Variants in ZNF704 observed in about 807,000 individuals in gnomAD.
ZNF704 encodes zinc finger protein 704.
A neutral mutation model predicts 44.7 loss-of-function variants in ZNF704; 10 were observed. That is an observed-to-expected ratio of 0.22 (90% CI 0.14 to 0.38). ZNF704 has a LOEUF of 0.38. ZNF704 is among the 10% of genes least tolerant of loss of function. The pLI, the probability that ZNF704 is intolerant of heterozygous loss-of-function variation, is 1.00. For missense variants in ZNF704, 390 were observed against 545.5 expected, an observed-to-expected ratio of 0.71 and a Z score of 2.84; for synonymous variants, 211 against 207.6, an observed-to-expected ratio of 1.02 and a Z score of -0.14.
intron 2 of ZNF704, among the ~76,000 whole-genome samples, chr8:80,772,953 TTCA>T (rs1807344862): frequency 6.6e-6 from 1 of 152,224 alleles, no homozygotes; most frequent in Non-Finnish European, 1.5e-5. Context: ...CATTTTCATT[TTCA>T]TTTAGTATAA....
At chr8:80,700,882 C>T (rs1818799404) in intron 2 of ZNF704, among the ~76,000 whole-genome samples, 1 of 152,170 alleles carries the variant, frequency 6.6e-6, no homozygotes, top group Admixed American at 6.5e-5. Flanking sequence ...CTCCCCCCTC[C>T]CCTTTTCTGT....
At chr8:80,777,311 A>G (rs897683874) in intron 2 of ZNF704, among the ~76,000 whole-genome samples, 6 of 152,186 alleles carry the variant, frequency 3.9e-5, no homozygotes, top group Non-Finnish European at 7.3e-5. Context: ...TATAAAGTTA[A>G]TATCTGCTTG....
chr8:80,674,314 T>A (rs948221305), intron 4 of ZNF704, among the ~76,000 whole-genome samples: 1 of 152,206 alleles, frequency 6.6e-6, no homozygotes, highest in Non-Finnish European at 1.5e-5. Flanking sequence ...AGCATATAAC[T>A]TAACAATACT....
At chr8:80,687,803 C>T (rs748309792) in intron 3 of ZNF704, among the ~76,000 whole-genome samples, 8 of 152,076 alleles carry the variant, frequency 5.3e-5, no homozygotes, top group South Asian at 2.1e-4. Context: ...CTGGGTTTAT[C>T]GACTACAGTA....
intron 2 of ZNF704, among the ~76,000 whole-genome samples, chr8:80,811,470 G>C (rs1014153907): frequency 6.6e-6 from 1 of 152,074 alleles, no homozygotes; most frequent in Non-Finnish European, 1.5e-5. Flanking sequence ...ACCTGCAGCA[G>C]AGATAACTGA....
At chr8:80,844,234 T>C (rs1349780187) in intron 1 of ZNF704, among the ~76,000 whole-genome samples, 1 of 152,120 alleles carries the variant, frequency 6.6e-6, no homozygotes. Flanking sequence ...AATATCAGAC[T>C]GGGTGGCTTA....
At chr8:80,763,316 T>C (rs933775385) in intron 2 of ZNF704, among the ~76,000 whole-genome samples, 9 of 152,220 alleles carry the variant, frequency 5.9e-5, no homozygotes, top group Admixed American at 3.9e-4. Flanking sequence ...AGCATTTCCT[T>C]ACATTCCAGA....
intron 1 of ZNF704, 145 bp from the exon 2 acceptor site, chr8:80,821,760 T>C (rs996220252): frequency 2.0e-5 from 13 of 643,052 alleles, no homozygotes; most frequent in Non-Finnish European, 3.4e-5. Flanking sequence ...AAATGCAACA[T>C]AGAAATAAAA....
intron 1 of ZNF704, among the ~76,000 whole-genome samples, chr8:80,826,660 A>G (rs577912760): frequency 1.3e-5 from 2 of 152,346 alleles, no homozygotes; most frequent in African/African-American, 4.8e-5. Flanking sequence ...ATGAACATCA[A>G]TGCAAAAATC....
intron 2 of ZNF704, among the ~76,000 whole-genome samples, chr8:80,696,529 T>C (rs1818727697): frequency 6.6e-6 from 1 of 152,188 alleles, no homozygotes; most frequent in Non-Finnish European, 1.5e-5. Context: ...GCGATTCTTC[T>C]GCTTCAGCCT....
intron 2 of ZNF704, among the ~76,000 whole-genome samples, chr8:80,780,330 T>C (rs1431841427): frequency 6.6e-6 from 1 of 152,176 alleles, no homozygotes; most frequent in Non-Finnish European, 1.5e-5. Context: ...AAGAGATTCC[T>C]ATGGCAGAAA....
chr8:80,882,658 A>G, the ZNF704 span, among the ~76,000 whole-genome samples: 1 of 152,304 alleles, frequency 6.6e-6, no homozygotes, highest in Admixed American at 6.5e-5. Context: ...CAATGTTTGT[A>G]CTAATGACCT....
chr8:80,845,085 T>A (rs1808747412), intron 1 of ZNF704, among the ~76,000 whole-genome samples: 1 of 152,194 alleles, frequency 6.6e-6, no homozygotes. Flanking sequence ...TATTTCTTTA[T>A]TATACATTTC....
chr8:80,856,406 A>T (rs1253512693), intron 1 of ZNF704, among the ~76,000 whole-genome samples: 2 of 152,180 alleles, frequency 1.3e-5, no homozygotes, highest in African/African-American at 4.8e-5. Flanking sequence ...TGAAATTTAA[A>T]AATTAATTTA....
chr8:80,796,938 A>C (rs1442583314), intron 2 of ZNF704, among the ~76,000 whole-genome samples: 1 of 133,988 alleles, frequency 7.5e-6, no homozygotes, highest in Non-Finnish European at 1.6e-5. Flanking sequence ...AGGGAAAAGG[A>C]AAAGAAGGGA....
intron 7 of ZNF704, among the ~76,000 whole-genome samples, chr8:80,658,107 A>G (rs1184675244): frequency 1.3e-5 from 2 of 152,214 alleles, no homozygotes; most frequent in Non-Finnish European, 1.5e-5. Flanking sequence ...TTAGAAAAGC[A>G]AAGGGGAAAA....
At chr8:80,755,701 C>T (rs1807023229) in intron 2 of ZNF704, among the ~76,000 whole-genome samples, 1 of 152,190 alleles carries the variant, frequency 6.6e-6, no homozygotes, top group African/African-American at 2.4e-5. Flanking sequence ...ACCATGGCTT[C>T]ACATGACTGG....
intron 2 of ZNF704, among the ~76,000 whole-genome samples, chr8:80,819,842 T>G (rs945167400): frequency 3.9e-5 from 6 of 152,164 alleles, no homozygotes; most frequent in African/African-American, 1.4e-4. Context: ...TTTTAGAAAG[T>G]CTGACAAATC....
chr8:80,665,829 T>A (rs1010744887), intron 5 of ZNF704, among the ~76,000 whole-genome samples: 2 of 150,958 alleles, frequency 1.3e-5, no homozygotes, highest in African/African-American at 2.4e-5. Context: ...TTATTTTATT[T>A]TATTTTTTTT....
Sources: allele counts gnomAD v4.1 joint callset (sites outside exome capture counted in the v4.1 genomes callset), GRCh38; gene constraint gnomAD v4.1.1; transcripts MANE v1.5; gene names NCBI Gene and HGNC (gene_info 2026-07-23, HGNC 2026-07-21).